The following SAMD4A variants were observed in gnomAD, a reference collection of about 807,000 sequenced individuals.
SAMD4A encodes sterile alpha motif domain containing 4A, also known as protein Smaug homolog 1.
In SAMD4A, 33 loss-of-function variants were observed where a neutral mutation model predicts 81.3. The ratio of observed to expected loss-of-function variants is 0.41; its 90% CI spans 0.31 to 0.54. The LOEUF is 0.54. Among genes scored for constraint, SAMD4A ranks in the 20% least tolerant of loss-of-function variants. The probability of loss-of-function intolerance (pLI) is 0.37; values close to 1 mark genes in which losing one functional copy is unlikely to be tolerated. For missense variants in SAMD4A, 854 were observed against 951.1 expected (o/e 0.90, Z 1.34); for synonymous variants, 389 against 382.1 (o/e 1.02, Z -0.21).
chr14:54,711,860 GA>G (rs570012588), intron 3 of SAMD4A, among the ~76,000 whole-genome samples: 1 of 152,036 alleles, frequency 6.6e-6, no homozygotes, highest in African/African-American at 2.4e-5. Flanking sequence ...TCTGCTACGG[GA>G]AAAAAACCTC....
chr14:54,630,928 G>C (rs1037345287), intron 2 of SAMD4A, among the ~76,000 whole-genome samples: 16 of 150,848 alleles, frequency 1.1e-4, no homozygotes, highest in Non-Finnish European at 1.9e-4. Flanking sequence ...GTGTGTGTGT[G>C]TGTGTGTGTG....
At chr14:54,737,359 A>G (rs2037722044) in intron 4 of SAMD4A, 72 bp downstream of exon 4, 1 of 1,565,344 alleles carries the variant, frequency 6.4e-7, no homozygotes, top group Non-Finnish European at 8.7e-7. Flanking sequence ...GTAAAAAAAG[A>G]GAGGTAGTCA....
intron 2 of SAMD4A, among the ~76,000 whole-genome samples, chr14:54,586,332 T>C (rs2033617107): frequency 6.6e-6 from 1 of 152,216 alleles, no homozygotes; most frequent in African/African-American, 2.4e-5. Flanking sequence ...AATTAGTCCT[T>C]TGTTGGATGT....
chr14:54,641,066 CT>C (rs1260385731), intron 2 of SAMD4A, among the ~76,000 whole-genome samples: 8 of 152,170 alleles, frequency 5.3e-5, no homozygotes. Context: ...TGCCTTTATC[CT>C]CTCATTCAGC....
At chr14:54,655,946 C>T (rs535509522) in intron 2 of SAMD4A, among the ~76,000 whole-genome samples, 1 of 152,138 alleles carries the variant, frequency 6.6e-6, no homozygotes, top group Non-Finnish European at 1.5e-5. Flanking sequence ...GAGGAACAAA[C>T]ATAGGTTTGT....
intron 2 of SAMD4A, among the ~76,000 whole-genome samples, chr14:54,608,126 T>C (rs946587451): frequency 5.9e-5 from 9 of 152,120 alleles, no homozygotes; most frequent in African/African-American, 1.7e-4. Context: ...CCATTTGGAC[T>C]AAGAAGGCCT....
intron 6 of SAMD4A, among the ~76,000 whole-genome samples, chr14:54,752,586 G>C (rs925124696): frequency 2.6e-5 from 4 of 152,230 alleles, no homozygotes; most frequent in African/African-American, 7.2e-5. Flanking sequence ...AAAGATGTGT[G>C]TGTGTATAAT....
intron 2 of SAMD4A, among the ~76,000 whole-genome samples, chr14:54,656,572 A>G (rs1179812338): frequency 6.6e-6 from 1 of 152,248 alleles, no homozygotes; most frequent in Non-Finnish European, 1.5e-5. Flanking sequence ...GTTCTTTAAA[A>G]TAATAAGCTG....
At chr14:54,758,023 G>C (rs374908766) in intron 6 of SAMD4A, among the ~76,000 whole-genome samples, 1 of 152,172 alleles carries the variant, frequency 6.6e-6, no homozygotes, top group African/African-American at 2.4e-5. Flanking sequence ...AGCAGGGAAG[G>C]AGTGATCAGG....
chr14:54,697,297 G>A (rs1218267539), intron 2 of SAMD4A, among the ~76,000 whole-genome samples: 1 of 152,170 alleles, frequency 6.6e-6, no homozygotes, highest in Non-Finnish European at 1.5e-5. Flanking sequence ...TTGCCACGAG[G>A]AGCCATCATC....
intron 3 of SAMD4A, among the ~76,000 whole-genome samples, chr14:54,721,638 C>T (rs1042504888): frequency 2.6e-5 from 4 of 152,144 alleles, no homozygotes; most frequent in African/African-American, 9.7e-5. Context: ...CTGAAGATCA[C>T]GTTGCCACAT....
At chr14:54,612,189 A>C (rs565170136) in intron 2 of SAMD4A, among the ~76,000 whole-genome samples, 1 of 152,238 alleles carries the variant, frequency 6.6e-6, no homozygotes, top group South Asian at 2.1e-4. Context: ...ATGGAGAAAA[A>C]GTTTTTTTTC....
Position 54,626,720 on chromosome 14 carries a change from GCAGGAGAA to G in SAMD4A, c.196+58612_196+58619del, listed in dbSNP as rs541335991. Among the ~76,000 whole-genome samples the G allele has an allele frequency of 8.5e-5, 13 of 152,226 alleles. No individual in the cohort carries two copies. The South Asian group carries it at 1.7e-3, about 19-fold the overall frequency. ...CCTATGGAGGCTGAGGGATATACAA[GCAGGAGAA>G]CAGCAATTCTCTGTTCAACACATCT... On this transcript the variant is annotated intron_variant, in intron 2 of 12. Coordinates refer to ENST00000554335, the MANE Select transcript of SAMD4A (RefSeq NM_015589.6).
intron 2 of SAMD4A, chr14:54,696,790 A>G (rs1042085772): frequency 3.3e-5 from 5 of 152,222 alleles, no homozygotes; most frequent in African/African-American, 1.2e-4. Flanking sequence ...ATTAACTTTT[A>G]TCCACATTAA....
At chr14:54,639,519 T>C (rs991386698) in intron 2 of SAMD4A, among the ~76,000 whole-genome samples, 6 of 152,180 alleles carry the variant, frequency 3.9e-5, no homozygotes, top group African/African-American at 1.4e-4. Context: ...GGGCCACTCC[T>C]CACAGCCACG....
chr14:54,636,862 T>C (rs573583991), intron 2 of SAMD4A, among the ~76,000 whole-genome samples: 2 of 152,256 alleles, frequency 1.3e-5, no homozygotes, highest in South Asian at 4.2e-4. Flanking sequence ...AATTGAGATA[T>C]TGATTATACC....
chr14:54,717,863 A>G (rs1463268382), intron 3 of SAMD4A, among the ~76,000 whole-genome samples: 2 of 151,674 alleles, frequency 1.3e-5, no homozygotes, highest in African/African-American at 4.9e-5. Context: ...GATGTCTTGC[A>G]AGCAAATATG....
In SAMD4A at chr14:54,748,892, A is replaced by T; in HGVS notation, c.1057A>T (p.Met353Leu). The T allele has an allele frequency of 6.4e-7, 1 of 1,554,850 alleles. No homozygotes were observed. Among genetic ancestry groups the T allele is most frequent in the Non-Finnish European group, 8.7e-7 (1 of 1,148,432 alleles). ...CTCCCAGATGACCTATGAGGAGATG[A>T]TGGCCCTCACCGAGTGCCAGCTGGA... ...LFSQMTYEEMMALTECQLEAQ... is the reference protein window; with the variant it reads ...LFSQMTYEEMLALTECQLEAQ... Residue 353 changes from methionine (M) to leucine (L), a missense_variant, in exon 5 of 13, where the codon ATG (methionine) becomes TTG (leucine). Transcript: ENST00000554335.
chr14:54,706,567 T>G (rs2140774936), intron 3 of SAMD4A, among the ~76,000 whole-genome samples: 1 of 149,692 alleles, frequency 6.7e-6, no homozygotes, highest in Non-Finnish European at 1.5e-5. Context: ...GTGGTGCCAC[T>G]GTACTCCAGC....
Sources: allele counts gnomAD v4.1 joint callset (sites outside exome capture counted in the v4.1 genomes callset), GRCh38; gene constraint gnomAD v4.1.1; transcripts MANE v1.5; gene names NCBI Gene and HGNC (gene_info 2026-07-23, HGNC 2026-07-21).